RGS7: variants seen among roughly 807,000 people sequenced by gnomAD.
The protein encoded by RGS7 is regulator of G protein signaling 7.
Under a neutral mutation model 81.1 loss-of-function variants are expected in RGS7, and 27 were observed. The ratio of observed to expected loss-of-function variants is 0.33; its 90% CI spans 0.25 to 0.46. The LOEUF (loss-of-function observed/expected upper bound fraction) is 0.46, where lower values mean the gene tolerates loss of function less well. Among genes scored for constraint, RGS7 ranks in the 20% least tolerant of loss-of-function variants. RGS7 has a pLI of 1.00. For synonymous variants in RGS7, 208 were observed against 207.7 expected (o/e 1.00, Z -0.01); for missense variants, 396 against 607.4 (o/e 0.65, Z 3.66).
At chr1:240,848,382 G>A (rs1659480374) in intron 9 of RGS7, among the ~76,000 whole-genome samples, 1 of 151,924 alleles carries the variant, frequency 6.6e-6, no homozygotes, top group Non-Finnish European at 1.5e-5. Flanking sequence ...AACAGTCCTT[G>A]GTTTTACTGT....
chr1:241,343,090 G>A (rs372522433), intron 2 of RGS7, among the ~76,000 whole-genome samples: 3 of 151,922 alleles, frequency 2.0e-5, no homozygotes, highest in South Asian at 2.1e-4. Context: ...GTGAAACCCC[G>A]TCTCTACTAA....
chr1:241,246,900 G>A (rs937367430), intron 2 of RGS7, among the ~76,000 whole-genome samples: 1 of 151,926 alleles, frequency 6.6e-6, no homozygotes, highest in Non-Finnish European at 1.5e-5. Context: ...TGGCCCTTGC[G>A]CAGAACTGAG....
intron 6 of RGS7, among the ~76,000 whole-genome samples, chr1:240,884,148 C>G (rs1296922379): frequency 6.9e-6 from 1 of 145,204 alleles, no homozygotes. Flanking sequence ...GTTTCTCAAT[C>G]AGGGAAGGCT....
intron 6 of RGS7, among the ~76,000 whole-genome samples, chr1:240,894,934 C>T (rs1399853140): frequency 6.6e-6 from 1 of 152,146 alleles, no homozygotes; most frequent in Non-Finnish European, 1.5e-5. Context: ...TTTGTCCCCA[C>T]CCAAATTTCA....
chr1:240,949,613 C>G (rs916263719), intron 4 of RGS7, among the ~76,000 whole-genome samples: 34 of 152,020 alleles, frequency 2.2e-4, no homozygotes, highest in African/African-American at 7.7e-4. Context: ...TTTGGGAGGC[C>G]AAGGTGGGCA....
chr1:240,977,516 G>A (rs1684315497), intron 4 of RGS7, among the ~76,000 whole-genome samples: 1 of 152,180 alleles, frequency 6.6e-6, no homozygotes, highest in African/African-American at 2.4e-5. Context: ...ATGGCAACAT[G>A]AAGTTTAACT....
At chr1:241,069,034 C>G (rs558420293) in intron 3 of RGS7, among the ~76,000 whole-genome samples, 35 of 152,284 alleles carry the variant, frequency 2.3e-4, no homozygotes, top group Middle Eastern at 3.4e-3. Flanking sequence ...TGACTGGAAG[C>G]TCCCTGAAGA....
chr1:241,003,488 G>A (rs1009383917), intron 3 of RGS7, among the ~76,000 whole-genome samples: 4 of 148,428 alleles, frequency 2.7e-5, no homozygotes, highest in Non-Finnish European at 4.5e-5. Context: ...AAAAAGTACT[G>A]TGCCAATACA....
At chr1:241,214,280 T>G (rs2074423643) in intron 2 of RGS7, among the ~76,000 whole-genome samples, 1 of 152,170 alleles carries the variant, frequency 6.6e-6, no homozygotes, top group Non-Finnish European at 1.5e-5. Context: ...ATTATTTTCT[T>G]TAATATAGAA....
intron 4 of RGS7, among the ~76,000 whole-genome samples, chr1:240,976,851 A>G (rs1684161561): frequency 1.2e-5 from 1 of 85,942 alleles, no homozygotes; most frequent in African/African-American, 3.4e-5. Context: ...TCTATCATCT[A>G]TCTATCTACC....
intron 6 of RGS7, among the ~76,000 whole-genome samples, chr1:240,875,583 G>A (rs1665265955): frequency 6.6e-6 from 1 of 152,080 alleles, no homozygotes; most frequent in Non-Finnish European, 1.5e-5. Flanking sequence ...GGTAGTTCTA[G>A]GTTCATTATT....
intron 2 of RGS7, among the ~76,000 whole-genome samples, chr1:241,128,190 T>A (rs574508445): frequency 1.3e-5 from 2 of 149,334 alleles, no homozygotes; most frequent in African/African-American, 5.0e-5. Context: ...GGCAGGAGAA[T>A]GACGTGAACC....
chr1:241,183,560 A>G (rs1177935810), intron 2 of RGS7, among the ~76,000 whole-genome samples: 1 of 152,198 alleles, frequency 6.6e-6, no homozygotes, highest in Non-Finnish European at 1.5e-5. Flanking sequence ...CTACATACAC[A>G]TGGTATTGAA....
At chr1:240,866,506 G>A (rs764781431) in intron 9 of RGS7, among the ~76,000 whole-genome samples, 23 of 138,412 alleles carry the variant, frequency 1.7e-4, no homozygotes, top group South Asian at 7.1e-4. Context: ...GCGAGACTCC[G>A]TCTCAAAAAA....
chr1:241,270,407 A>G (rs1204833672), intron 2 of RGS7, among the ~76,000 whole-genome samples: 1 of 152,230 alleles, frequency 6.6e-6, no homozygotes, highest in African/African-American at 2.4e-5. Flanking sequence ...CTCTCTTTTA[A>G]TGATCTTGAG....
intron 18 of RGS7, among the ~76,000 whole-genome samples, chr1:240,796,178 C>G (rs1687037128): frequency 6.6e-6 from 1 of 152,152 alleles, no homozygotes; most frequent in African/African-American, 2.4e-5. Context: ...GGCCCAGGCT[C>G]TTTTTACCAT....
In RGS7 at chr1:240,975,448, G is replaced by A. The variant is rs951078582; in HGVS notation, c.226+7631C>T. Among the ~76,000 whole-genome samples the A allele has an allele frequency of 6.6e-5, 10 of 151,978 alleles. No homozygotes were observed. The East Asian group carries it at 9.7e-4, about 15-fold the overall frequency. ...ACAAAAAAACACAGAAATGCATAAC[G>A]TTCCTTGATACCCAGGAGTGACAGC... On this transcript the variant is annotated intron_variant, in intron 4 of 18. Transcript: ENST00000440928.
chr1:241,224,155 G>T (rs1384195168), intron 2 of RGS7, among the ~76,000 whole-genome samples: 1 of 151,440 alleles, frequency 6.6e-6, no homozygotes, highest in Non-Finnish European at 1.5e-5. Context: ...ATGCAGTTTT[G>T]TTACATAGTT....
chr1:241,083,253 A>AAAC (rs2063247037), intron 3 of RGS7, among the ~76,000 whole-genome samples: 2 of 100,584 alleles, frequency 2.0e-5, no homozygotes, highest in Admixed American at 1.8e-4. Flanking sequence ...AAAAAGAAAA[A>AAAC]GAAACAAAAC....
Sources: gnomAD v4.1 joint callset for allele counts (sites outside exome capture counted in the v4.1 genomes callset) on GRCh38, gnomAD v4.1.1 for gene constraint, MANE v1.5 for transcripts, NCBI Gene and HGNC (gene_info 2026-07-23, HGNC 2026-07-21) for gene names.